MAPKAPK3: variants seen among roughly 807,000 people sequenced by gnomAD.
The protein encoded by MAPKAPK3 is MAPK activated protein kinase 3.
MAPKAPK3 carries 35 observed loss-of-function variants against 49.2 expected under a neutral mutation model. That is an observed-to-expected ratio of 0.71 (90% confidence interval 0.54 to 0.94). The LOEUF (loss-of-function observed/expected upper bound fraction) is 0.94, where lower values mean the gene tolerates loss of function less well. Ranked by LOEUF, MAPKAPK3 falls within the 40% of genes least tolerant of loss-of-function variation. The pLI, the probability that MAPKAPK3 is intolerant of heterozygous loss-of-function variation, is 0.00. For synonymous variants in MAPKAPK3, 178 were observed against 188.7 expected, an observed-to-expected ratio of 0.94 and a Z score of 0.46; for missense variants, 398 against 493.1, an observed-to-expected ratio of 0.81 and a Z score of 1.83.
In MAPKAPK3 at chr3:50,648,136, C is replaced by A; in HGVS notation, c.*90C>A. The stretch of plus-strand genomic sequence containing the variant: ...CTGGCCAGGAGGGCCCAGGGTCATT[C>A]TTTTAACAAAAGGATTATTTTGTTG... On this transcript the variant is annotated 3_prime_UTR_variant, in exon 11 of 11. Transcript: ENST00000621469. 2 of 1,320,214 alleles carry A rather than the reference C, an allele frequency of 1.5e-6. No homozygotes were observed. The highest frequency in any genetic ancestry group is 2.1e-6 in the Non-Finnish European group (2 of 967,970). The allele number at this position is 1,320,214 out of a possible 1,614,324, so 81.8% of individuals were successfully genotyped here.
At chr3:50,625,656 C>T (rs1255113359) in intron 2 of MAPKAPK3, among the ~76,000 whole-genome samples, 1 of 152,166 alleles carries the variant, frequency 6.6e-6, no homozygotes, top group Non-Finnish European at 1.5e-5. Context: ...GCTGCCTTCT[C>T]CTCATGGCAC....
At chr3:50,614,905 G>A (rs1328912015), upstream of MAPKAPK3, among the ~76,000 whole-genome samples, 1 of 152,104 alleles carries the variant, frequency 6.6e-6, no homozygotes, top group Non-Finnish European at 1.5e-5. Context: ...TGTATAATTT[G>A]AATTAATTAC....
chr3:50,626,168 T>G (rs2032735827), intron 2 of MAPKAPK3, among the ~76,000 whole-genome samples: 1 of 151,934 alleles, frequency 6.6e-6, no homozygotes, highest in Non-Finnish European at 1.5e-5. Context: ...AGACTTTTGC[T>G]TGGGACAATT....
upstream of MAPKAPK3, chr3:50,611,801 G>A (rs2032337118): frequency 4.8e-6 from 5 of 1,046,972 alleles, no homozygotes; most frequent in Non-Finnish European, 6.4e-6. Flanking sequence ...GACCGCCTGC[G>A]AGGGCGAGGG....
intron 2 of MAPKAPK3, among the ~76,000 whole-genome samples, chr3:50,624,067 C>A (rs760408762): frequency 1.3e-5 from 2 of 152,258 alleles, no homozygotes; most frequent in African/African-American, 2.4e-5. Context: ...TTGTGAGTCT[C>A]AGACAAGTGC....
chr3:50,613,506 G>A (rs61032466), upstream of MAPKAPK3, among the ~76,000 whole-genome samples: 3,796 of 152,244 alleles, frequency 0.025, 180 homozygotes, highest in African/African-American at 0.087. Flanking sequence ...GGGATACCTG[G>A]ATAGCCTGAT....
In MAPKAPK3 at chr3:50,617,599, C is replaced by A. The variant is rs2032501970; in HGVS notation, c.34C>A (p.Pro12Thr). ...DGETAEEQGG[P>T]VPPPVAPGGP... ...TGAAACAGCAGAGGAGCAGGGGGGC[C>A]CTGTGCCCCCGCCAGTTGCACCCGG... The change falls in exon 2 of 11, where the codon CCT (proline) becomes ACT (threonine). Residue 12 changes from proline (P) to threonine (T), a missense_variant. By Grantham distance (38) the Pro-to-Thr change is conservative. This residue lies in a region of MAPKAPK3 where 123 missense variants were observed against 117.7 expected (regional missense o/e 1.04). Coordinates refer to ENST00000621469, the MANE Select transcript of MAPKAPK3 (RefSeq NM_001243925.2). 1.3e-6 allele frequency: 2 copies of A among 1,593,912 alleles called. No homozygotes were observed. Among genetic ancestry groups the A allele is most frequent in the Non-Finnish European group, 1.7e-6 (2 of 1,164,318 alleles).
intron 8 of MAPKAPK3, 47 bp from the exon 9 acceptor site, chr3:50,646,693 C>G: frequency 6.5e-7 from 1 of 1,537,430 alleles, no homozygotes; most frequent in Non-Finnish European, 9.0e-7. Context: ...GGTGGAGGGG[C>G]TGGCTCTGCA....
intron 2 of MAPKAPK3, among the ~76,000 whole-genome samples, chr3:50,627,316 C>T (rs2032783226): frequency 6.6e-6 from 1 of 152,008 alleles, no homozygotes; most frequent in African/African-American, 2.4e-5. Context: ...TCGTGGGGGC[C>T]TGCCTTGCCC....
chr3:50,635,503 C>T (rs1449363639), intron 2 of MAPKAPK3, among the ~76,000 whole-genome samples: 10 of 149,168 alleles, frequency 6.7e-5, no homozygotes, highest in Admixed American at 2.0e-4. Flanking sequence ...CTGCAACCTC[C>T]GCCTCCTGGG....
intron 2 of MAPKAPK3, among the ~76,000 whole-genome samples, chr3:50,629,364 G>C (rs2107583181): frequency 6.6e-6 from 1 of 152,244 alleles, no homozygotes; most frequent in South Asian, 2.1e-4. Context: ...GAAGACCCAG[G>C]GGAATCCTAA....
intron 9 of MAPKAPK3, 109 bp downstream of exon 9, chr3:50,646,934 C>A: frequency 8.6e-7 from 1 of 1,166,650 alleles, no homozygotes; most frequent in Non-Finnish European, 1.3e-6. Context: ...CTGGAATGGG[C>A]CCATGCACAC....
rs372815253 is a variant in MAPKAPK3, at chr3:50,646,163, A to G, written c.728A>G (p.Tyr243Cys). Residue 243 changes from tyrosine (Y) to cysteine (C), a missense_variant, in exon 8 of 11, where the codon TAC (tyrosine) becomes TGC (cysteine). Physicochemically the swap from Tyr to Cys is radical, Grantham distance 194. Around this residue, in one of 5 missense-constraint regions of MAPKAPK3, gnomAD observed 152 missense variants for 177.3 expected, o/e 0.86. Transcript: ENST00000621469. ...YILLCGFPPF[Y>C]SNTGQAISPG... The stretch of plus-strand genomic sequence containing the variant: ...AGCCTTTGTGGCTTCCCACCCTTCT[A>G]CTCCAACACGGGCCAGGCCATCTCC... The G allele has an allele frequency of 2.5e-6, 4 of 1,613,362 alleles. No homozygotes were observed. The African/African-American group carries it at 5.4e-5, about 22-fold the overall frequency.
chr3:50,647,162 C>T lies in MAPKAPK3; in HGVS notation c.955C>T (p.Arg319Ter), dbSNP rs1466112278. 3 of 1,596,828 alleles carry T rather than the reference C, an allele frequency of 1.9e-6. No homozygotes were observed. The highest frequency in any genetic ancestry group is 1.3e-5 in the African/African-American group (1 of 74,644). ...GCCACAGACCCCACTCCACACGGCC[C>T]GAGTGCTGCAGGAGGACAAAGACCA... Reference protein sequence around the residue: ...VVPQTPLHTARVLQEDKDHWD... With the variant: ...VVPQTPLHTA The change falls in exon 10 of 11, where the codon CGA becomes TGA. Residue 319 changes from arginine (R) to a stop codon, truncating the protein, a stop_gained. Transcript: ENST00000621469. LOFTEE classifies it high-confidence loss of function.
At chr3:50,611,909 G>T in exon 1 of MAPKAPK3, 2 of 477,002 alleles carry the variant, frequency 4.2e-6, no homozygotes, top group Non-Finnish European at 7.0e-6. Flanking sequence ...TAGAACCGCG[G>T]GCTGAGCGGT....
At chr3:50,639,348 C>A (rs1464833342) in intron 2 of MAPKAPK3, among the ~76,000 whole-genome samples, 1 of 152,160 alleles carries the variant, frequency 6.6e-6, no homozygotes, top group Non-Finnish European at 1.5e-5. Flanking sequence ...CCAGTCTCTA[C>A]CTCTGGGTCC....
intron 2 of MAPKAPK3, among the ~76,000 whole-genome samples, chr3:50,624,420 A>G (rs2032684679): frequency 6.6e-6 from 1 of 152,200 alleles, no homozygotes; most frequent in Non-Finnish European, 1.5e-5. Context: ...TGACCTCAGC[A>G]GGGCCGGTGT....
At chr3:50,642,716 A>C (rs2033203919) in intron 5 of MAPKAPK3, among the ~76,000 whole-genome samples, 1 of 152,206 alleles carries the variant, frequency 6.6e-6, no homozygotes, top group Non-Finnish European at 1.5e-5. Flanking sequence ...TGACTTGCCC[A>C]GGGGCTGTGT....
upstream of MAPKAPK3, chr3:50,617,117 A>AGGG (rs559380787): frequency 9.3e-5 from 2 of 21,478 alleles, no homozygotes; most frequent in Non-Finnish European, 1.6e-4. Flanking sequence ...GGGGGTGGGG[A>AGGG]GGGGGGGGAG....
Sources: gnomAD v4.1 joint callset for allele counts (sites outside exome capture counted in the v4.1 genomes callset) on GRCh38, gnomAD v4.1.1 for gene constraint, gnomAD v4.1.1 regional missense constraint, MANE v1.5 for transcripts, NCBI Gene and HGNC (gene_info 2026-07-23, HGNC 2026-07-21) for gene names.